The following CASD1 variants were observed in gnomAD, a reference collection of about 807,000 sequenced individuals.
CASD1 encodes N-acetylneuraminate (7)9-O-acetyltransferase.
Under a neutral mutation model 100.0 loss-of-function variants are expected in CASD1, and 41 were observed. That is an observed-to-expected ratio of 0.41 (90% confidence interval 0.32 to 0.53). The LOEUF (loss-of-function observed/expected upper bound fraction) is 0.53. CASD1 is among the 20% of genes least tolerant of loss of function. The pLI is 0.25. For synonymous variants in CASD1, 321 were observed against 315.6 expected (o/e 1.02, Z -0.18); for missense variants, 774 against 948.7 (o/e 0.82, Z 2.42).
chr7:94,573,586 A>T, the CASD1 span, among the ~76,000 whole-genome samples: 2 of 152,196 alleles, frequency 1.3e-5, no homozygotes, highest in Non-Finnish European at 2.9e-5. Flanking sequence ...TTGTATCCTG[A>T]AACTTTGCTG....
At chr7:94,524,258 A>G (rs888404943) in intron 3 of CASD1, 1 of 152,142 alleles carries the variant, frequency 6.6e-6, no homozygotes, top group Non-Finnish European at 1.5e-5. Flanking sequence ...AAGAGTATCT[A>G]TTCACCAAAA....
At chr7:94,551,598 A>G in intron 15 of CASD1, 120 bp downstream of exon 15, 1 of 405,204 alleles carries the variant, frequency 2.5e-6, no homozygotes, top group South Asian at 1.1e-4. Flanking sequence ...TCTTTTTAAT[A>G]TTTAGAAATT....
intron 1 of CASD1, among the ~76,000 whole-genome samples, chr7:94,513,438 T>G (rs1282613621): frequency 6.6e-6 from 1 of 152,164 alleles, no homozygotes; most frequent in Non-Finnish European, 1.5e-5. Context: ...GTTTTTTCCT[T>G]ATTTTCCCCA....
At chr7:94,546,502 G>C (rs1243737043) in intron 12 of CASD1, among the ~76,000 whole-genome samples, 3 of 151,932 alleles carry the variant, frequency 2.0e-5, no homozygotes, top group African/African-American at 7.2e-5. Flanking sequence ...TTTCAGGAAT[G>C]AGTTGAGGTC....
the CASD1 span, chr7:94,628,445 A>C: frequency 9.7e-6 from 12 of 1,233,084 alleles, no homozygotes; most frequent in African/African-American, 1.6e-4. Flanking sequence ...ATTCTGTCTA[A>C]AATTTTTTTC....
At chr7:94,571,244 T>C in the CASD1 span, among the ~76,000 whole-genome samples, 1 of 151,968 alleles carries the variant, frequency 6.6e-6, no homozygotes, top group African/African-American at 2.4e-5. Context: ...GGTCTCCCTA[T>C]GTAGCCCAGG....
rs1795715158 is a variant in CASD1, at chr7:94,547,030, G to T, written c.1634-66G>T. The T allele has an allele frequency of 1.3e-5, 12 of 940,518 alleles. No individual in the cohort carries two copies. The South Asian group carries it at 2.0e-4, about 15-fold the overall frequency. The allele number at this position is 940,518 out of a possible 1,614,324, so 58.3% of individuals were successfully genotyped here. A position where few individuals can be genotyped will look rare whatever the true frequency, so the allele number is the denominator to read the frequency against. ...ATTCAGCATGTACATATATCAAATA[G>T]AGAGTATTTAATATGTTGTCTAATA... On this transcript the variant is annotated intron_variant, in intron 12 of 17. Transcript: ENST00000297273.
chr7:94,575,858 G>C, the CASD1 span, among the ~76,000 whole-genome samples: 5 of 152,112 alleles, frequency 3.3e-5, no homozygotes, highest in African/African-American at 1.2e-4. Context: ...TAATCTTGTT[G>C]AGGAGCCCTT....
At chr7:94,587,616 A>G in the CASD1 span, 3 of 1,395,718 alleles carry the variant, frequency 2.1e-6, no homozygotes, top group Non-Finnish European at 2.8e-6. Context: ...TTCCTTCATC[A>G]ATCTCCTGAA....
intron 3 of CASD1, 102 bp from the exon 4 acceptor site, chr7:94,527,060 C>A: frequency 1.1e-6 from 1 of 878,206 alleles, no homozygotes; most frequent in Non-Finnish European, 1.8e-6. Flanking sequence ...AAAAATATAT[C>A]AACAAAAATA....
the CASD1 span, chr7:94,626,502 G>T: frequency 1.3e-5 from 2 of 151,812 alleles, no homozygotes; most frequent in Non-Finnish European, 2.9e-5. Context: ...ATTAACAATG[G>T]TATTTTTAAA....
Position 94,510,072 on chromosome 7 carries a change from T to G in CASD1, c.-13T>G. The G allele has an allele frequency of 6.6e-7, 1 of 1,512,404 alleles. No homozygotes were observed. The highest frequency in any genetic ancestry group is 8.9e-7 in the Non-Finnish European group (1 of 1,127,724). The allele number at this position is 1,512,404 out of a possible 1,614,324, so 93.7% of individuals were successfully genotyped here. A position where few individuals can be genotyped will look rare whatever the true frequency, so the allele number is the denominator to read the frequency against. On this transcript the variant is annotated 5_prime_UTR_variant, in exon 1 of 18. An upstream start codon of the reference 5' UTR is lost. Coordinates refer to ENST00000297273, the MANE Select transcript of CASD1 (RefSeq NM_022900.5). ...CCCGCTCCGCCGCGCACTGTTGTCATGGAGGAACCAAGATGGCGGCTCTGG... is the reference window on the plus strand; with the variant it reads ...CCCGCTCCGCCGCGCACTGTTGTCAGGGAGGAACCAAGATGGCGGCTCTGG...
At chr7:94,570,157 G>A in the CASD1 span, among the ~76,000 whole-genome samples, 1 of 152,052 alleles carries the variant, frequency 6.6e-6, no homozygotes. Context: ...TTTAAAATAC[G>A]AGGATTTACT....
chr7:94,611,123 G>A, the CASD1 span, among the ~76,000 whole-genome samples: 8 of 152,184 alleles, frequency 5.3e-5, no homozygotes, highest in Non-Finnish European at 1.2e-4. Flanking sequence ...GTTACCATAT[G>A]ACCCAGCAAC....
chr7:94,559,294 GTGTGTGTGTGTA>G (rs1287299857), downstream of CASD1, among the ~76,000 whole-genome samples: 3 of 135,496 alleles, frequency 2.2e-5, no homozygotes, highest in African/African-American at 7.5e-5. Context: ...GTGTGTGTGT[GTGTGTGTGTGTA>G]TGTGTGTGTG....
the CASD1 span, chr7:94,621,936 A>C: frequency 6.6e-6 from 1 of 152,138 alleles, no homozygotes; most frequent in Non-Finnish European, 1.5e-5. Context: ...TTCATATATG[A>C]AGGTCATTTT....
intron 1 of CASD1, among the ~76,000 whole-genome samples, chr7:94,515,764 A>T (rs1327118239): frequency 5.3e-5 from 8 of 152,132 alleles, no homozygotes; most frequent in African/African-American, 1.9e-4. Context: ...AAAACAGAAA[A>T]GAAAAAGAAG....
intron 10 of CASD1, among the ~76,000 whole-genome samples, chr7:94,543,984 T>C (rs557174947): frequency 6.6e-6 from 1 of 152,306 alleles, no homozygotes; most frequent in East Asian, 1.9e-4. Flanking sequence ...TCCTAAATTA[T>C]GTTTACACTG....
chr7:94,526,999 CG>C (rs746992775), intron 3 of CASD1, among the ~76,000 whole-genome samples, 162 bp from the exon 4 acceptor site: 2 of 152,046 alleles, frequency 1.3e-5, no homozygotes, highest in African/African-American at 2.4e-5. Flanking sequence ...TGTTCTATGT[CG>C]GTTTTTTCCC....
Sources: gnomAD v4.1 joint callset for allele counts (sites outside exome capture counted in the v4.1 genomes callset) on GRCh38, gnomAD v4.1.1 for gene constraint, MANE v1.5 for transcripts, NCBI Gene and HGNC (gene_info 2026-07-23, HGNC 2026-07-21) for gene names.